The following MAML2 variants were observed in gnomAD, a reference collection of about 807,000 sequenced individuals.
MAML2 encodes mastermind like transcriptional coactivator 2, also known as mastermind-like protein 2.
A neutral mutation model predicts 96.1 loss-of-function variants in MAML2; 22 were observed. The ratio of observed to expected loss-of-function variants is 0.23; its 90% CI spans 0.16 to 0.33. The LOEUF (loss-of-function observed/expected upper bound fraction) is 0.33. Ranked by LOEUF, MAML2 falls within the 10% of genes least tolerant of loss-of-function variation. The pLI is 1.00. For synonymous variants in MAML2, 561 were observed against 521.3 expected, an observed-to-expected ratio of 1.08 and a Z score of -1.04; for missense variants, 1,367 against 1,392.4, an observed-to-expected ratio of 0.98 and a Z score of 0.29.
At chr11:95,991,871 T>C in intron 2 of MAML2, 148 bp from the exon 3 acceptor site, 1 of 661,218 alleles carries the variant, frequency 1.5e-6, no homozygotes, top group Non-Finnish European at 2.6e-6. Flanking sequence ...AGAATCGCTT[T>C]TTAAATGTAG....
intron 2 of MAML2, among the ~76,000 whole-genome samples, chr11:95,996,612 G>A (rs1310325910): frequency 6.6e-6 from 1 of 152,088 alleles, no homozygotes; most frequent in Non-Finnish European, 1.5e-5. Context: ...GTTTTACCAT[G>A]TACCTACTAT....
intron 2 of MAML2, among the ~76,000 whole-genome samples, chr11:96,022,776 A>G (rs1341407307): frequency 6.6e-6 from 1 of 152,216 alleles, no homozygotes; most frequent in Middle Eastern, 3.2e-3. Flanking sequence ...TCTCACTCAC[A>G]AGGATCAGAT....
chr11:96,228,424 A>C lies in MAML2; in HGVS notation c.513+112959T>G, dbSNP rs568773952. ...TAGGTCAGAAGAGAAATGAAGTCAC[A>C]CTCAAAAATGGTTCCACTTTTCCAA... On this transcript the variant is annotated intron_variant, in intron 1 of 4. Transcript: ENST00000524717. 3.3e-5 allele frequency among the ~76,000 whole-genome samples: 5 copies of C among 152,122 alleles called. No homozygotes were observed. The East Asian group carries it at 9.7e-4, about 29-fold the overall frequency.
chr11:96,237,610 G>A (rs1862382060), intron 1 of MAML2, among the ~76,000 whole-genome samples: 2 of 152,194 alleles, frequency 1.3e-5, no homozygotes, highest in Non-Finnish European at 2.9e-5. Flanking sequence ...TCAATCTATA[G>A]CAGCTTTCAC....
intron 1 of MAML2, among the ~76,000 whole-genome samples, chr11:96,270,959 A>G (rs536856318): frequency 1.3e-5 from 2 of 152,314 alleles, no homozygotes; most frequent in African/African-American, 4.8e-5. Context: ...AAGACGTTGG[A>G]AAGAGCAGAC....
At chr11:96,185,537 C>T (rs1326297971) in intron 1 of MAML2, among the ~76,000 whole-genome samples, 2 of 152,178 alleles carry the variant, frequency 1.3e-5, no homozygotes, top group African/African-American at 4.8e-5. Flanking sequence ...ATGCCTGTTA[C>T]CCAGCCTTGT....
chr11:96,140,096 G>T (rs138510733), intron 1 of MAML2, among the ~76,000 whole-genome samples: 66 of 152,310 alleles, frequency 4.3e-4, no homozygotes, highest in African/African-American at 1.6e-3. Flanking sequence ...ATTGCTTCCT[G>T]CCTCCATAGA....
intron 1 of MAML2, among the ~76,000 whole-genome samples, chr11:96,222,297 G>A (rs912928667): frequency 1.4e-4 from 21 of 152,304 alleles, no homozygotes; most frequent in Admixed American, 9.8e-4. Context: ...TGGTCCCATG[G>A]AATGTGGCGC....
At chr11:96,014,767 A>G (rs1858316786) in intron 2 of MAML2, among the ~76,000 whole-genome samples, 2 of 152,262 alleles carry the variant, frequency 1.3e-5, no homozygotes, top group Non-Finnish European at 2.9e-5. Context: ...GTCTTAGAAC[A>G]AAGACTTAAA....
In MAML2 at chr11:96,135,545, CTT is replaced by C. The variant is rs10665067; in HGVS notation, c.514-42030_514-42029del. ...GCAGAAGAGAGGTCCCAATCCAAGGCTTTTTTTTTTTTTTTTTAAACCGTGGT... is the reference window on the plus strand; with the variant it reads ...GCAGAAGAGAGGTCCCAATCCAAGGCTTTTTTTTTTTTTTTAAACCGTGGT... On this transcript the variant is annotated intron_variant, in intron 1 of 4. Coordinates refer to ENST00000524717, the MANE Select transcript of MAML2 (RefSeq NM_032427.4). 3.7e-4 allele frequency among the ~76,000 whole-genome samples: 51 copies of C among 139,510 alleles called. 1 individual carries two copies. The highest frequency in any genetic ancestry group is 4.9e-4 in the Non-Finnish European group (32 of 65,272). The allele number at this position is 139,510 out of a possible 152,430, so 91.5% of individuals were successfully genotyped here.
chr11:96,010,485 T>C (rs1260079216), intron 2 of MAML2, among the ~76,000 whole-genome samples: 1 of 152,208 alleles, frequency 6.6e-6, no homozygotes, highest in East Asian at 1.9e-4. Context: ...CATTCATAGT[T>C]ACCTGTAGAC....
At chr11:96,006,116 C>T (rs919853116) in intron 2 of MAML2, among the ~76,000 whole-genome samples, 3 of 152,122 alleles carry the variant, frequency 2.0e-5, no homozygotes, top group Non-Finnish European at 2.9e-5. Context: ...CATCTGTTCT[C>T]TGTTAAATGT....
chr11:96,193,442 T>C (rs551571181), intron 1 of MAML2, among the ~76,000 whole-genome samples: 69 of 149,792 alleles, frequency 4.6e-4, no homozygotes, highest in Non-Finnish European at 8.7e-4. Context: ...AGAAAGACAC[T>C]ATCAGTTTGA....
intron 1 of MAML2, among the ~76,000 whole-genome samples, chr11:96,111,025 C>T (rs1397487131): frequency 6.6e-6 from 1 of 152,078 alleles, no homozygotes; most frequent in Non-Finnish European, 1.5e-5. Flanking sequence ...TCATTTTCTC[C>T]ATCAAAGAAA....
At chr11:96,104,592 C>G (rs191920225) in intron 1 of MAML2, among the ~76,000 whole-genome samples, 1 of 152,146 alleles carries the variant, frequency 6.6e-6, no homozygotes, top group South Asian at 2.1e-4. Context: ...CAAGCTGACC[C>G]TTTTAAATGC....
chr11:96,253,624 A>G (rs1862618469), intron 1 of MAML2, among the ~76,000 whole-genome samples: 2 of 152,234 alleles, frequency 1.3e-5, no homozygotes, highest in African/African-American at 4.8e-5. Flanking sequence ...TCTGAGGCGC[A>G]TTTATCTTTC....
intron 1 of MAML2, among the ~76,000 whole-genome samples, chr11:96,196,973 A>G (rs1243734117): frequency 6.8e-6 from 1 of 147,130 alleles, no homozygotes; most frequent in Non-Finnish European, 1.5e-5. Flanking sequence ...GGCCTTTTCT[A>G]TAAATGTGGA....
intron 2 of MAML2, among the ~76,000 whole-genome samples, chr11:96,008,675 G>C (rs1858224554): frequency 6.6e-6 from 1 of 152,142 alleles, no homozygotes; most frequent in Non-Finnish European, 1.5e-5. Flanking sequence ...AACAGAACTT[G>C]GGCCAAGCAT....
chr11:96,152,755 AAAG>A (rs1283130781), intron 1 of MAML2, among the ~76,000 whole-genome samples: 4 of 152,192 alleles, frequency 2.6e-5, no homozygotes, highest in African/African-American at 9.7e-5. Context: ...TGATTTGGTA[AAAG>A]AAGGAGAGGA....
Sources: gnomAD v4.1 joint callset for allele counts (sites outside exome capture counted in the v4.1 genomes callset) on GRCh38, gnomAD v4.1.1 for gene constraint, MANE v1.5 for transcripts, NCBI Gene and HGNC (gene_info 2026-07-23, HGNC 2026-07-21) for gene names.